Variants in CHAF1B observed in about 807,000 individuals in gnomAD.
The protein encoded by CHAF1B is chromatin assembly factor 1 subunit B.
A neutral mutation model predicts 60.7 loss-of-function variants in CHAF1B; 10 were observed. The observed-to-expected ratio is 0.16, with a 90% CI of 0.10 to 0.28. The LOEUF (loss-of-function observed/expected upper bound fraction) is 0.28. CHAF1B is among the 10% of genes least tolerant of loss of function. CHAF1B has a pLI of 1.00. For synonymous variants in CHAF1B, 261 were observed against 266.1 expected (o/e 0.98, Z 0.19); for missense variants, 558 against 708.4 (o/e 0.79, Z 2.41).
chr21:36,389,483 A>G (rs761535156), intron 3 of CHAF1B, among the ~76,000 whole-genome samples: 2 of 151,550 alleles, frequency 1.3e-5, no homozygotes, highest in Non-Finnish European at 2.9e-5. Flanking sequence ...GTGCGCTCCT[A>G]TAATCCTAGC....
chr21:36,410,664 T>G (rs145079377), intron 10 of CHAF1B, among the ~76,000 whole-genome samples: 1 of 151,184 alleles, frequency 6.6e-6, no homozygotes, highest in African/African-American at 2.4e-5. Context: ...ATTTTTCCTC[T>G]TGCTGCTTTC....
At chr21:36,416,176 G>C in intron 13 of CHAF1B, 99 bp from the exon 14 acceptor site, 1 of 1,013,086 alleles carries the variant, frequency 9.9e-7, no homozygotes, top group South Asian at 1.6e-5. Context: ...TTGCCAGGCA[G>C]CTCAGTTCCG....
rs1169292255 is a variant in CHAF1B at position 36,402,856 on chromosome 21, G to GT, written c.757+8dup. On this transcript the variant is annotated splice_donor_region_variant and intron_variant, in intron 8 of 13. Transcript: ENST00000314103. ...GATCTTTGCTTCTCACGCCAGGTGTGTTTCGTAGCTTTGGACTTAAAGGAA... is the reference window on the plus strand; with the variant it reads ...GATCTTTGCTTCTCACGCCAGGTGTGTTTTCGTAGCTTTGGACTTAAAGGAA... The GT allele has an allele frequency of 2.3e-5, 37 of 1,611,030 alleles. No individual in the cohort carries two copies. Among genetic ancestry groups the GT allele is most frequent in the Non-Finnish European group, 3.0e-5 (35 of 1,177,762 alleles).
chr21:36,387,193 A>G (rs2146358402), intron 2 of CHAF1B, among the ~76,000 whole-genome samples: 1 of 151,374 alleles, frequency 6.6e-6, no homozygotes, highest in African/African-American at 2.4e-5. Flanking sequence ...AAGAAAAACT[A>G]AGTTTTCTTT....
At chr21:36,389,841 G>A (rs961703671) in intron 3 of CHAF1B, among the ~76,000 whole-genome samples, 1 of 149,928 alleles carries the variant, frequency 6.7e-6, no homozygotes, top group Admixed American at 6.7e-5. Context: ...GTGGGGAGCA[G>A]GAGCGCCACC....
chr21:36,413,278 C>G lies in CHAF1B; in HGVS notation c.1456C>G (p.Leu486Val), dbSNP rs750301622. 82 of 1,607,174 alleles carry G rather than the reference C, an allele frequency of 5.1e-5. No individual in the cohort carries two copies. Among genetic ancestry groups the G allele is most frequent in the Non-Finnish European group, 6.7e-5 (79 of 1,177,372 alleles). Residue 486 changes from leucine (L) to valine (V), a missense_variant, in exon 12 of 14, where the codon CTG (leucine) becomes GTG (valine). Physicochemically the swap from Leu to Val is conservative, Grantham distance 32. This residue lies in a region of CHAF1B where 233 missense variants were observed against 214.9 expected (regional missense o/e 1.08). Transcript: ENST00000314103. ...TKAHPSRRVTLNTLQAWSKTT... is the reference protein window; with the variant it reads ...TKAHPSRRVTVNTLQAWSKTT... ...AGCCCACCCATCCCGGAGGGTCACT[C>G]TGAACACACTGCAAGCCTGGAGCAA...
intron 3 of CHAF1B, among the ~76,000 whole-genome samples, chr21:36,389,665 CAAAAT>C (rs1252387337): frequency 6.8e-6 from 1 of 146,124 alleles, no homozygotes; most frequent in Non-Finnish European, 1.5e-5. Flanking sequence ...GAAACTATTA[CAAAAT>C]AAAACAGAAA....
At chr21:36,390,893 C>T (rs1472543789) in intron 3 of CHAF1B, among the ~76,000 whole-genome samples, 1 of 152,122 alleles carries the variant, frequency 6.6e-6, no homozygotes, top group Non-Finnish European at 1.5e-5. Flanking sequence ...TGGGCTAAAA[C>T]AACCCTTCCA....
chr21:36,389,800 T>TGTGCGTGCGCGC lies in CHAF1B; in HGVS notation c.260-1750_260-1749insTGCGTGCGCGCG. On this transcript the variant is annotated intron_variant, in intron 3 of 13. Transcript: ENST00000314103. ...GTGTGTGTGTGTGTGTGTGTGTGTG[T>TGTGCGTGCGCGC]GCGCGCGCACGCTGATTTGTAGAGG... is the stretch of plus-strand genomic sequence containing the variant. 4.3e-4 allele frequency among the ~76,000 whole-genome samples: 54 copies of TGTGCGTGCGCGC among 124,796 alleles called. 1 individual carries two copies. Among genetic ancestry groups the TGTGCGTGCGCGC allele is most frequent in the African/African-American group, 1.6e-3 (46 of 28,440 alleles). The allele number at this position is 124,796 out of a possible 152,430, so 81.9% of individuals were successfully genotyped here.
intron 7 of CHAF1B, among the ~76,000 whole-genome samples, chr21:36,400,932 T>C (rs1049123282): frequency 6.6e-6 from 1 of 152,106 alleles, no homozygotes; most frequent in African/African-American, 2.4e-5. Flanking sequence ...CAGTGTGGGC[T>C]GGGCGCTGAC....
At chr21:36,391,311 G>A (rs533930034) in intron 3 of CHAF1B, among the ~76,000 whole-genome samples, 1 of 152,084 alleles carries the variant, frequency 6.6e-6, no homozygotes, top group African/African-American at 2.4e-5. Flanking sequence ...CATAAATGTT[G>A]TTTTAATACC....
chr21:36,392,682 C>G lies in CHAF1B; in HGVS notation c.377+1014C>G, dbSNP rs1005291688. Among the ~76,000 whole-genome samples, 11 of 152,068 alleles carry G rather than the reference C, an allele frequency of 7.2e-5. No homozygotes were observed. In the East Asian group the frequency reaches 2.1e-3, roughly 29 times the overall value. Reference sequence around the variant, plus strand: ...GGCTGCCGGGCGGAGGGGCTCCTCACTTCTCAGACGGGGCGGCCGGGCAGA... The same window carrying G: ...GGCTGCCGGGCGGAGGGGCTCCTCAGTTCTCAGACGGGGCGGCCGGGCAGA... On this transcript the variant is annotated intron_variant, in intron 4 of 13. Transcript: ENST00000314103.
At position 36,416,359 on chromosome 21, in the gene CHAF1B, A is replaced by G. The variant is rs1238958874; in HGVS notation, c.1673A>G (p.Asp558Gly). 3.7e-6 allele frequency: 6 copies of G among 1,613,536 alleles called. No individual in the cohort carries two copies. In the South Asian group the frequency reaches 6.6e-5, roughly 18 times the overall value. The stretch of plus-strand genomic sequence containing the variant: ...AACAAAGGAGGCACGGAAAGTCTGG[A>G]CCCTTGATGGGACCTCGGCTTCTGC... ...DENKGGTESL[D>G]P Residue 558 changes from aspartate (D) to glycine (G), a missense_variant, in exon 14 of 14, where the codon GAC (aspartate) becomes GGC (glycine). Physicochemically the swap from Asp to Gly is moderately conservative, Grantham distance 94. Transcript: ENST00000314103.
intron 9 of CHAF1B, 114 bp downstream of exon 9, chr21:36,408,944 TC>T: frequency 1.5e-6 from 1 of 685,234 alleles, no homozygotes; most frequent in Non-Finnish European, 2.5e-6. Context: ...AACCTCTGCC[TC>T]CCGGGTTCAA....
chr21:36,411,522 G>T lies in CHAF1B; in HGVS notation c.979G>T (p.Val327Leu), dbSNP rs150591609. ...GTTTGCTGTGGCCTCGGAGGATTCC[G>T]TGCTTCTGTATGACACCCAGCAGTC... The part of the protein sequence containing the change: ...LVFAVASEDS[V>L]LLYDTQQSFP... The change falls in exon 11 of 14, where the codon GTG (valine) becomes TTG (leucine). Residue 327 changes from valine (V) to leucine (L), a missense_variant. Val to Leu is a conservative substitution (Grantham distance 32, BLOSUM62 1). This residue lies in a region of CHAF1B where 325 missense variants were observed against 493.5 expected (regional missense o/e 0.66). Coordinates refer to ENST00000314103, the MANE Select transcript of CHAF1B (RefSeq NM_005441.3). The T allele has an allele frequency of 5.0e-6, 8 of 1,613,910 alleles. No homozygotes were observed. The African/African-American group carries it at 1.1e-4, about 22-fold the overall frequency.
At chr21:36,398,738 G>A (rs926660241) in intron 6 of CHAF1B, among the ~76,000 whole-genome samples, 3 of 152,156 alleles carry the variant, frequency 2.0e-5, no homozygotes, top group African/African-American at 4.8e-5. Context: ...TCTTGTTGTC[G>A]TGTTTACTGG....
At chr21:36,408,920 T>C in intron 9 of CHAF1B, 90 bp downstream of exon 9, 1 of 883,168 alleles carries the variant, frequency 1.1e-6, no homozygotes, top group South Asian at 1.4e-5. Flanking sequence ...AATGGTGCGA[T>C]CTCTGCTCAC....
intron 11 of CHAF1B, 165 bp from the exon 12 acceptor site, chr21:36,412,719 A>G: frequency 1.5e-6 from 1 of 661,388 alleles, no homozygotes; most frequent in Admixed American, 3.0e-5. Flanking sequence ...GCAAATCGCG[A>G]TGAAACTGCA....
intron 3 of CHAF1B, among the ~76,000 whole-genome samples, chr21:36,391,141 C>A (rs889668883): frequency 1.3e-5 from 2 of 152,130 alleles, no homozygotes; most frequent in Non-Finnish European, 2.9e-5. Context: ...TTTGCAGTGG[C>A]ATTTGCTGGC....
Sources: allele counts gnomAD v4.1 joint callset (sites outside exome capture counted in the v4.1 genomes callset), GRCh38; gene constraint gnomAD v4.1.1; regional missense constraint gnomAD v4.1.1; transcripts MANE v1.5; gene names NCBI Gene and HGNC (gene_info 2026-07-23, HGNC 2026-07-21).